The following NRXN1 variants were observed in gnomAD, a reference collection of about 807,000 sequenced individuals.
NRXN1 encodes neurexin-1.
Under a neutral mutation model 150.9 loss-of-function variants are expected in NRXN1, and 39 were observed. The ratio of observed to expected loss-of-function variants is 0.26; its 90% CI spans 0.20 to 0.34. The LOEUF (loss-of-function observed/expected upper bound fraction) is 0.34, where lower values mean the gene tolerates loss of function less well. Ranked by LOEUF, NRXN1 falls within the 10% of genes least tolerant of loss-of-function variation. The pLI is 1.00. For synonymous variants in NRXN1, 924 were observed against 757.0 expected, an observed-to-expected ratio of 1.22 and a Z score of -3.62; for missense variants, 1,815 against 1,949.9, an observed-to-expected ratio of 0.93 and a Z score of 1.30.
intron 5 of NRXN1, among the ~76,000 whole-genome samples, chr2:50,641,503 T>C (rs1381457181): frequency 6.6e-6 from 1 of 152,034 alleles, no homozygotes; most frequent in Non-Finnish European, 1.5e-5. Flanking sequence ...CCTTCAGCCT[T>C]TCCTACTTCA....
At chr2:50,127,376 A>G (rs1447789172) in intron 18 of NRXN1, among the ~76,000 whole-genome samples, 1 of 152,172 alleles carries the variant, frequency 6.6e-6, no homozygotes, top group Non-Finnish European at 1.5e-5. Flanking sequence ...AATTTTTAAA[A>G]ACCTGATAAA....
At chr2:50,659,427 G>C (rs945856865) in intron 5 of NRXN1, among the ~76,000 whole-genome samples, 1 of 151,454 alleles carries the variant, frequency 6.6e-6, no homozygotes, top group African/African-American at 2.4e-5. Context: ...AGAAATTTTT[G>C]ATCTAAGAAG....
intron 5 of NRXN1, among the ~76,000 whole-genome samples, chr2:50,859,985 T>A (rs1349844538): frequency 6.6e-6 from 1 of 152,062 alleles, no homozygotes; most frequent in Non-Finnish European, 1.5e-5. Flanking sequence ...GATAAATACC[T>A]ATCTCTTTGT....
chr2:50,344,707 G>C (rs1309133517), intron 17 of NRXN1, among the ~76,000 whole-genome samples: 2 of 152,192 alleles, frequency 1.3e-5, no homozygotes, highest in Admixed American at 6.5e-5. Context: ...GCTTGCAGCG[G>C]AGAGGAAAAA....
intron 21 of NRXN1, among the ~76,000 whole-genome samples, chr2:50,016,061 T>C (rs1686537368): frequency 6.6e-6 from 1 of 152,074 alleles, no homozygotes; most frequent in African/African-American, 2.4e-5. Context: ...TTGTAGAACA[T>C]GAAAAAAAGA....
chr2:50,626,317 A>G (rs912544393), intron 5 of NRXN1, among the ~76,000 whole-genome samples: 1 of 151,938 alleles, frequency 6.6e-6, no homozygotes, highest in African/African-American at 2.4e-5. Flanking sequence ...AGAAAAAAAA[A>G]GAGTCCCAAA....
intron 5 of NRXN1, among the ~76,000 whole-genome samples, chr2:50,794,579 T>TA (rs540013339): frequency 3.9e-4 from 60 of 152,088 alleles, no homozygotes; most frequent in South Asian, 2.5e-3. Flanking sequence ...GTAATTTCTA[T>TA]AAAAAAAATC....
intron 21 of NRXN1, among the ~76,000 whole-genome samples, chr2:50,040,622 G>A (rs1349122565): frequency 1.3e-5 from 2 of 151,952 alleles, no homozygotes; most frequent in Non-Finnish European, 2.9e-5. Flanking sequence ...TGGTATCGTT[G>A]CTTTTTTATA....
At chr2:50,111,367 G>T (rs1288995910) in intron 18 of NRXN1, among the ~76,000 whole-genome samples, 1 of 152,030 alleles carries the variant, frequency 6.6e-6, no homozygotes, top group Non-Finnish European at 1.5e-5. Context: ...CTCTCATGCG[G>T]CATGGTGGTC....
At chr2:50,436,141 C>T (rs1448028244) in intron 17 of NRXN1, among the ~76,000 whole-genome samples, 2 of 152,118 alleles carry the variant, frequency 1.3e-5, no homozygotes, top group African/African-American at 2.4e-5. Context: ...ACCAGCTCCC[C>T]TACTATTTAA....
At chr2:50,590,121 A>G (rs891321105) in intron 8 of NRXN1, among the ~76,000 whole-genome samples, 1 of 152,228 alleles carries the variant, frequency 6.6e-6, no homozygotes, top group Non-Finnish European at 1.5e-5. Flanking sequence ...GTTTTAAAAC[A>G]CCTTGTAAAT....
intron 17 of NRXN1, among the ~76,000 whole-genome samples, chr2:50,274,401 G>A (rs2070144314): frequency 6.6e-6 from 1 of 152,110 alleles, no homozygotes; most frequent in African/African-American, 2.4e-5. Context: ...GCTGGGGGTT[G>A]GGGGGCTACG....
At chr2:50,842,705 A>T (rs1482372069) in intron 5 of NRXN1, among the ~76,000 whole-genome samples, 1 of 152,164 alleles carries the variant, frequency 6.6e-6, no homozygotes, top group African/African-American at 2.4e-5. Flanking sequence ...AATGACCCCC[A>T]AAGTGGTTGA....
chr2:50,027,145 G>C (rs1464084837), intron 21 of NRXN1, among the ~76,000 whole-genome samples: 1 of 151,914 alleles, frequency 6.6e-6, no homozygotes, highest in African/African-American at 2.4e-5. Context: ...GGTTCCCAAA[G>C]TGTTGGGATT....
chr2:50,198,329 G>C (rs1219566758), intron 18 of NRXN1, among the ~76,000 whole-genome samples: 1 of 151,992 alleles, frequency 6.6e-6, no homozygotes, highest in African/African-American at 2.4e-5. Context: ...AGGCACCAGG[G>C]GAAAAGTGGA....
chr2:50,249,825 A>G (rs1289766205), intron 17 of NRXN1, among the ~76,000 whole-genome samples: 1 of 151,970 alleles, frequency 6.6e-6, no homozygotes, highest in African/African-American at 2.4e-5. Context: ...TTTAGTAGAG[A>G]TGGGGTTTCA....
chr2:49,978,931 CA>C (rs1679489286), intron 21 of NRXN1, among the ~76,000 whole-genome samples: 2 of 152,214 alleles, frequency 1.3e-5, no homozygotes, highest in South Asian at 4.1e-4. Flanking sequence ...CCATTCAAAG[CA>C]ATCAGTGAAC....
At chr2:50,772,069 G>A (rs1193636155) in intron 5 of NRXN1, among the ~76,000 whole-genome samples, 1 of 151,996 alleles carries the variant, frequency 6.6e-6, no homozygotes, top group African/African-American at 2.4e-5. Flanking sequence ...CCAGGTGACT[G>A]GAGTACTGCC....
At chr2:50,032,249 T>A (rs1368096008) in intron 21 of NRXN1, among the ~76,000 whole-genome samples, 2 of 152,024 alleles carry the variant, frequency 1.3e-5, no homozygotes, top group East Asian at 3.9e-4. Flanking sequence ...TCCTGTTCAT[T>A]CCCTACATAA....
Sources: allele counts gnomAD v4.1 joint callset (sites outside exome capture counted in the v4.1 genomes callset), GRCh38; gene constraint gnomAD v4.1.1; transcripts MANE v1.5; gene names NCBI Gene and HGNC (gene_info 2026-07-23, HGNC 2026-07-21).